The following FAM227B variants were observed in gnomAD, a reference collection of about 807,000 sequenced individuals.
FAM227B encodes the protein protein FAM227B.
A neutral mutation model predicts 73.8 loss-of-function variants in FAM227B; 88 were observed. The observed-to-expected ratio is 1.19, with a 90% CI of 1.00 to 1.42. The LOEUF (loss-of-function observed/expected upper bound fraction) is 1.42. Among genes scored for constraint, FAM227B ranks in the 40% most tolerant of loss-of-function variants. The probability of loss-of-function intolerance (pLI) is 0.00; values close to 1 mark genes in which losing one functional copy is unlikely to be tolerated. For missense variants in FAM227B, 632 were observed against 590.9 expected (o/e 1.07, Z -0.72); for synonymous variants, 210 against 190.5 (o/e 1.10, Z -0.84).
intron 11 of FAM227B, among the ~76,000 whole-genome samples, chr15:49,503,128 A>ACATC (rs2058284648): frequency 6.6e-6 from 1 of 152,232 alleles, no homozygotes; most frequent in African/African-American, 2.4e-5. Context: ...CCACACATCT[A>ACATC]TAACTATCTG....
intron 13 of FAM227B, among the ~76,000 whole-genome samples, chr15:49,339,681 G>A (rs1402065523): frequency 6.6e-6 from 1 of 152,202 alleles, no homozygotes; most frequent in Non-Finnish European, 1.5e-5. Context: ...TGTCTTTAGA[G>A]CTGCCAAGTA....
intron 11 of FAM227B, among the ~76,000 whole-genome samples, chr15:49,447,257 G>C (rs891472972): frequency 2.0e-5 from 3 of 151,576 alleles, no homozygotes; most frequent in African/African-American, 7.3e-5. Context: ...ACTTGTAAGA[G>C]CTTGAGAATA....
chr15:49,609,250 C>A (rs1443383337), intron 3 of FAM227B, among the ~76,000 whole-genome samples: 3 of 150,852 alleles, frequency 2.0e-5, no homozygotes, highest in African/African-American at 7.3e-5. Flanking sequence ...GGGAAATGAT[C>A]AATAGAGAAA....
chr15:49,607,401 A>T (rs1472522843), intron 3 of FAM227B, among the ~76,000 whole-genome samples: 2 of 152,202 alleles, frequency 1.3e-5, no homozygotes, highest in Non-Finnish European at 2.9e-5. Context: ...GATTTTGAAG[A>T]ATAAGAGAAG....
At chr15:49,393,516 C>T (rs550793862) in intron 11 of FAM227B, among the ~76,000 whole-genome samples, 1 of 152,108 alleles carries the variant, frequency 6.6e-6, no homozygotes, top group Non-Finnish European at 1.5e-5. Context: ...CAGGTGGGTT[C>T]CCAATCTTCA....
chr15:49,393,031 A>G (rs772822774), intron 11 of FAM227B, among the ~76,000 whole-genome samples: 21 of 152,204 alleles, frequency 1.4e-4, no homozygotes, highest in Non-Finnish European at 2.9e-5. Flanking sequence ...AGAAAAGAGG[A>G]GCAAAGGAGT....
chr15:49,553,295 T>C (rs1404720951), intron 9 of FAM227B, among the ~76,000 whole-genome samples: 1 of 152,230 alleles, frequency 6.6e-6, no homozygotes, highest in African/African-American at 2.4e-5. Context: ...TCTCTCTTTC[T>C]GTTCTGACAC....
intron 13 of FAM227B, among the ~76,000 whole-genome samples, chr15:49,346,780 C>T (rs2041571790): frequency 6.6e-6 from 1 of 152,102 alleles, no homozygotes; most frequent in Non-Finnish European, 1.5e-5. Flanking sequence ...CAAGCTGTGG[C>T]CAGAATCTCC....
intron 11 of FAM227B, among the ~76,000 whole-genome samples, chr15:49,375,297 T>A (rs2046087428): frequency 6.6e-6 from 1 of 152,150 alleles, no homozygotes; most frequent in African/African-American, 2.4e-5. Flanking sequence ...ACATGAAAAT[T>A]TTTTATGTTA....
chr15:49,572,732 G>C (rs759897433), intron 8 of FAM227B, among the ~76,000 whole-genome samples: 11 of 152,024 alleles, frequency 7.2e-5, no homozygotes, highest in Non-Finnish European at 2.9e-5. Context: ...TTGGGAATAG[G>C]CATTCCTCTT....
At chr15:49,440,760 G>A (rs1451963123) in intron 11 of FAM227B, among the ~76,000 whole-genome samples, 2 of 151,646 alleles carry the variant, frequency 1.3e-5, no homozygotes, top group Admixed American at 1.3e-4. Context: ...AAACAACAGA[G>A]TCAGGACCTG....
chr15:49,552,548 T>C (rs770907562), intron 9 of FAM227B, among the ~76,000 whole-genome samples: 4 of 152,192 alleles, frequency 2.6e-5, no homozygotes, highest in Non-Finnish European at 5.9e-5. Flanking sequence ...AATTGCCTAT[T>C]ATCCCTTTCA....
At chr15:49,370,671 G>A (rs2045748797) in intron 12 of FAM227B, among the ~76,000 whole-genome samples, 1 of 152,166 alleles carries the variant, frequency 6.6e-6, no homozygotes, top group Non-Finnish European at 1.5e-5. Flanking sequence ...ATAAGATGAT[G>A]TAGACAAAAT....
intron 11 of FAM227B, among the ~76,000 whole-genome samples, chr15:49,464,952 TATTAAGGTGATAATAAAC>T (rs2054131426): frequency 6.6e-6 from 1 of 152,210 alleles, no homozygotes; most frequent in Non-Finnish European, 1.5e-5. Context: ...AATAAATGTT[TATTAAGGTGATAATAAAC>T]ACCTTAACTA....
At chr15:49,592,639 T>C (rs2076651098) in intron 3 of FAM227B, among the ~76,000 whole-genome samples, 2 of 152,190 alleles carry the variant, frequency 1.3e-5, no homozygotes, top group Admixed American at 1.3e-4. Flanking sequence ...GGCTACACAG[T>C]GGTCAGGGAT....
chr15:49,543,774 G>A (rs1158024076), intron 9 of FAM227B, among the ~76,000 whole-genome samples: 1 of 152,012 alleles, frequency 6.6e-6, no homozygotes, highest in Non-Finnish European at 1.5e-5. Context: ...CCCACTTTAT[G>A]TTTTTGTTTG....
At chr15:49,578,999 A>G (rs1375294373) in intron 5 of FAM227B, among the ~76,000 whole-genome samples, 1 of 152,186 alleles carries the variant, frequency 6.6e-6, no homozygotes. Flanking sequence ...ATGAAAAAGT[A>G]GGCAAAGGAT....
chr15:49,517,708 C>A (rs924043811), intron 10 of FAM227B, among the ~76,000 whole-genome samples: 1 of 152,122 alleles, frequency 6.6e-6, no homozygotes, highest in Non-Finnish European at 1.5e-5. Flanking sequence ...ATGAACAAAT[C>A]ATAAATGTAT....
chr15:49,505,070 A>G (rs975890526), intron 11 of FAM227B, among the ~76,000 whole-genome samples: 1 of 152,232 alleles, frequency 6.6e-6, no homozygotes, highest in African/African-American at 2.4e-5. Context: ...ATTCAGCAAT[A>G]CAAAGGAAGA....
Sources: allele counts gnomAD v4.1 joint callset (sites outside exome capture counted in the v4.1 genomes callset), GRCh38; gene constraint gnomAD v4.1.1; transcripts MANE v1.5; gene names NCBI Gene and HGNC (gene_info 2026-07-23, HGNC 2026-07-21).